The following LUZP2 variants were observed in gnomAD, a reference collection of about 807,000 sequenced individuals.
LUZP2 encodes leucine zipper protein 2.
Under a neutral mutation model 51.6 loss-of-function variants are expected in LUZP2, and 52 were observed. The ratio of observed to expected loss-of-function variants is 1.01; its 90% CI spans 0.81 to 1.27. The LOEUF is 1.27. Ranked by LOEUF, LUZP2 falls within the 50% of genes most tolerant of loss-of-function variation. The pLI is 0.00. For synonymous variants in LUZP2, 154 were observed against 137.3 expected (o/e 1.12, Z -0.85); for missense variants, 436 against 395.4 (o/e 1.10, Z -0.87).
chr11:24,535,383 T>C (rs990130620), intron 1 of LUZP2, among the ~76,000 whole-genome samples: 1 of 151,600 alleles, frequency 6.6e-6, no homozygotes, highest in African/African-American at 2.4e-5. Context: ...ATTATACCCA[T>C]AGTAAAGCCT....
intron 9 of LUZP2, among the ~76,000 whole-genome samples, chr11:25,019,831 G>A (rs111980957): frequency 1.5e-4 from 23 of 152,114 alleles, no homozygotes; most frequent in African/African-American, 4.3e-4. Flanking sequence ...GAGTAGGATC[G>A]CATATTGTTT....
chr11:24,982,123 A>T (rs1200111871), intron 8 of LUZP2, among the ~76,000 whole-genome samples: 2 of 151,946 alleles, frequency 1.3e-5, no homozygotes, highest in South Asian at 4.1e-4. Flanking sequence ...GATGGTTGTG[A>T]GGTTGCAGAG....
At chr11:24,773,542 C>A (rs759979165) in intron 5 of LUZP2, among the ~76,000 whole-genome samples, 1 of 152,094 alleles carries the variant, frequency 6.6e-6, no homozygotes, top group Non-Finnish European at 1.5e-5. Flanking sequence ...AAGGATGAGA[C>A]AGAGTGGGCT....
chr11:24,744,049 A>C (rs1458936539), intron 4 of LUZP2, among the ~76,000 whole-genome samples: 2 of 152,082 alleles, frequency 1.3e-5, no homozygotes, highest in Admixed American at 1.3e-4. Context: ...CTATCCCTGC[A>C]TCCCTGGTAT....
intron 9 of LUZP2, among the ~76,000 whole-genome samples, chr11:25,045,434 C>T (rs1253610776): frequency 6.6e-6 from 1 of 150,636 alleles, no homozygotes; most frequent in African/African-American, 2.4e-5. Context: ...TCTCCTTGCT[C>T]TGTGTGAACT....
At chr11:24,957,528 A>G (rs1302218036) in intron 7 of LUZP2, among the ~76,000 whole-genome samples, 2 of 151,928 alleles carry the variant, frequency 1.3e-5, no homozygotes, top group African/African-American at 2.4e-5. Context: ...CCCAGCCTCT[A>G]TTTACCACCG....
chr11:24,627,530 G>C (rs1248453505), intron 1 of LUZP2, among the ~76,000 whole-genome samples: 1 of 152,140 alleles, frequency 6.6e-6, no homozygotes. Flanking sequence ...CTTTCTTTCT[G>C]TGATCCCAGG....
At chr11:24,747,165 A>ATTTGTT (rs1169725624) in intron 4 of LUZP2, among the ~76,000 whole-genome samples, 1 of 151,938 alleles carries the variant, frequency 6.6e-6, no homozygotes, top group Admixed American at 6.6e-5. Context: ...GTTCCTTCTC[A>ATTTGTT]TTTGTTAGGC....
chr11:24,682,822 G>A (rs1043236657), intron 1 of LUZP2, among the ~76,000 whole-genome samples: 1 of 151,822 alleles, frequency 6.6e-6, no homozygotes, highest in Non-Finnish European at 1.5e-5. Flanking sequence ...TGGCCAACAT[G>A]GTGAAACCCC....
chr11:24,787,674 A>AT (rs1411069183), intron 5 of LUZP2, among the ~76,000 whole-genome samples: 3 of 152,236 alleles, frequency 2.0e-5, no homozygotes, highest in South Asian at 4.1e-4. Flanking sequence ...TCTATGCAAG[A>AT]TTTTTTATTC....
rs1264657836 is a variant in LUZP2 at position 25,018,022 on chromosome 11, G to A, written c.766-32016G>A. 2.3e-5 allele frequency among the ~76,000 whole-genome samples: 3 copies of A among 128,152 alleles called. No homozygotes were observed. In the East Asian group the frequency reaches 6.9e-4, roughly 30 times the overall value. The allele number at this position is 128,152 out of a possible 152,430, so 84.1% of individuals were successfully genotyped here. A position where few individuals can be genotyped will look rare whatever the true frequency, so the allele number is the denominator to read the frequency against. On this transcript the variant is annotated intron_variant, in intron 9 of 11. Transcript: ENST00000336930. Reference sequence around the variant, plus strand: ...TCTTGATTAAGTATATCCCTAGGTAGGATTTTTTGTTTCTGTTTTTTTTTT... The same window carrying A: ...TCTTGATTAAGTATATCCCTAGGTAAGATTTTTTGTTTCTGTTTTTTTTTT...
intron 7 of LUZP2, among the ~76,000 whole-genome samples, chr11:24,958,922 A>G (rs1855298668): frequency 6.6e-6 from 1 of 152,078 alleles, no homozygotes; most frequent in Non-Finnish European, 1.5e-5. Context: ...TCTTGAATTG[A>G]TTTTTATATA....
In LUZP2 at chr11:24,819,238, G is replaced by A. The variant is rs1377788719; in HGVS notation, c.396+55930G>A. ...GTGGAGAGTGAGGTATAGCTTGCCA[G>A]GAAATGATGTTAGACAAGTGGTAGG... is the stretch of plus-strand genomic sequence containing the variant. On this transcript the variant is annotated intron_variant, in intron 5 of 11. Coordinates refer to ENST00000336930, the MANE Select transcript of LUZP2 (RefSeq NM_001009909.4). Among the ~76,000 whole-genome samples the A allele has an allele frequency of 2.0e-5, 3 of 152,012 alleles. No homozygotes were observed. The East Asian group carries it at 5.8e-4, about 29-fold the overall frequency.
intron 1 of LUZP2, among the ~76,000 whole-genome samples, chr11:24,505,483 T>C (rs1850120415): frequency 6.6e-6 from 1 of 152,164 alleles, no homozygotes; most frequent in Non-Finnish European, 1.5e-5. Flanking sequence ...AATAAGCTAA[T>C]GTATAAAGAA....
At chr11:25,001,003 G>A (rs963332210) in intron 9 of LUZP2, among the ~76,000 whole-genome samples, 2 of 152,136 alleles carry the variant, frequency 1.3e-5, no homozygotes, top group East Asian at 1.9e-4. Flanking sequence ...ATAAGTAGAG[G>A]TATTAGTTGT....
intron 9 of LUZP2, among the ~76,000 whole-genome samples, chr11:25,007,127 C>T (rs1856852980): frequency 1.3e-5 from 2 of 152,240 alleles, no homozygotes; most frequent in Middle Eastern, 3.4e-3. Context: ...ATTTACAAAC[C>T]TTTAGCTAGA....
At chr11:24,973,656 A>C (rs1345704661) in intron 7 of LUZP2, among the ~76,000 whole-genome samples, 1 of 151,962 alleles carries the variant, frequency 6.6e-6, no homozygotes, top group Non-Finnish European at 1.5e-5. Flanking sequence ...AGTTTTAAAT[A>C]ACTTCTTCAT....
At chr11:24,948,660 C>T (rs2133859382) in intron 7 of LUZP2, among the ~76,000 whole-genome samples, 1 of 151,832 alleles carries the variant, frequency 6.6e-6, no homozygotes, top group African/African-American at 2.4e-5. Context: ...GACAGTATAA[C>T]TCATGGGTTT....
At chr11:25,017,408 C>T (rs1006994217) in intron 9 of LUZP2, among the ~76,000 whole-genome samples, 2 of 151,934 alleles carry the variant, frequency 1.3e-5, no homozygotes, top group African/African-American at 4.8e-5. Context: ...AAGTTTAAGT[C>T]TTTAATTTAT....
Sources: allele counts gnomAD v4.1 joint callset (sites outside exome capture counted in the v4.1 genomes callset), GRCh38; gene constraint gnomAD v4.1.1; transcripts MANE v1.5; gene names NCBI Gene and HGNC (gene_info 2026-07-23, HGNC 2026-07-21).